Variants in LSAMP observed in about 807,000 individuals in gnomAD.
LSAMP encodes limbic system-associated membrane protein.
A neutral mutation model predicts 38.6 loss-of-function variants in LSAMP; 7 were observed. The observed-to-expected ratio is 0.18, with a 90% CI of 0.10 to 0.34. The LOEUF is 0.34. Among genes scored for constraint, LSAMP ranks in the 10% least tolerant of loss-of-function variants. The pLI is 1.00. For missense variants in LSAMP, 313 were observed against 420.0 expected (o/e 0.75, Z 2.23); for synonymous variants, 154 against 166.8 (o/e 0.92, Z 0.59).
intron 3 of LSAMP, among the ~76,000 whole-genome samples, chr3:115,948,950 T>A: frequency 1.3e-5 from 2 of 152,102 alleles, no homozygotes; most frequent in Non-Finnish European, 2.9e-5. Flanking sequence ...CTGGCCAGCA[T>A]GGTAAAACCC....
intron 1 of LSAMP, among the ~76,000 whole-genome samples, chr3:116,204,110 G>C (rs2046030256): frequency 6.6e-6 from 1 of 152,088 alleles, no homozygotes; most frequent in African/African-American, 2.4e-5. Context: ...GTGTGAGATA[G>C]TATCTCATAG....
intron 1 of LSAMP, among the ~76,000 whole-genome samples, chr3:116,386,783 T>C (rs1226252507): frequency 6.6e-6 from 1 of 152,142 alleles, no homozygotes; most frequent in African/African-American, 2.4e-5. Flanking sequence ...AGTACATTCT[T>C]TTCATTTAGG....
rs71906076 is a variant in LSAMP, at chr3:116,058,938, G to GTT, written c.388+27384_388+27385dup. 2.2e-3 allele frequency among the ~76,000 whole-genome samples: 332 copies of GTT among 148,004 alleles called. 1 individual carries two copies. The highest frequency in any genetic ancestry group is 3.6e-3 in the African/African-American group (145 of 40,662). ...ACTAGTACAAGGGTTTTGTTTGTTC[G>GTT]TTTTTTTTTTTATCATTTCCAATCA... On this transcript the variant is annotated intron_variant, in intron 2 of 6. Transcript: ENST00000490035.
intron 3 of LSAMP, among the ~76,000 whole-genome samples, chr3:115,893,654 TATG>T (rs1158831768): frequency 6.6e-6 from 1 of 152,010 alleles, no homozygotes; most frequent in African/African-American, 2.4e-5. Context: ...AGTGTAGTCT[TATG>T]AAGAAGCAAT....
chr3:116,440,357 T>C (rs945619828), intron 1 of LSAMP, among the ~76,000 whole-genome samples: 2 of 152,206 alleles, frequency 1.3e-5, no homozygotes, highest in Admixed American at 6.5e-5. Context: ...TTTGCTGTTA[T>C]GTGGAATCAG....
intron 2 of LSAMP, among the ~76,000 whole-genome samples, chr3:116,023,590 G>C (rs1033205576): frequency 7.2e-6 from 1 of 138,140 alleles, no homozygotes; most frequent in Non-Finnish European, 1.5e-5. Flanking sequence ...GGGTGACAGA[G>C]CGAGACTCCG....
intron 1 of LSAMP, among the ~76,000 whole-genome samples, chr3:116,280,261 A>G (rs2047111373): frequency 6.6e-6 from 1 of 152,220 alleles, no homozygotes; most frequent in East Asian, 1.9e-4. Flanking sequence ...AAAGCATGGC[A>G]TATATTTTCA....
intron 1 of LSAMP, among the ~76,000 whole-genome samples, chr3:116,148,811 A>G (rs915009352): frequency 5.3e-5 from 8 of 152,088 alleles, no homozygotes; most frequent in Non-Finnish European, 1.5e-5. Context: ...ATATTGGACA[A>G]TAGTCCCCAC....
rs1457366601 is a variant in LSAMP at position 115,808,089 on chromosome 3, C to CCTTG, written c.*2227_*2228insCAAG. ...TCCTGCCTTCCTTTCCTTTCTCCTT[C>CCTTG]CTTCCTTCCTTCCTTCCTTCCTCCC... On this transcript the variant is annotated 3_prime_UTR_variant, in exon 7 of 7. Coordinates refer to ENST00000490035, the MANE Select transcript of LSAMP (RefSeq NM_002338.5). 4.3e-5 allele frequency: 4 copies of CCTTG among 93,634 alleles called. No homozygotes were observed. The highest frequency in any genetic ancestry group is 2.0e-4 in the African/African-American group (4 of 19,554). 5.8% of individuals were successfully genotyped at this position (93,634 alleles called of 1,614,324 possible).
At chr3:115,842,756 TA>T (rs1935037250) in intron 4 of LSAMP, among the ~76,000 whole-genome samples, 178 bp from the exon 5 acceptor site, 2 of 152,060 alleles carry the variant, frequency 1.3e-5, no homozygotes, top group Non-Finnish European at 1.5e-5. Flanking sequence ...AAAAAGTAAA[TA>T]AAAATAAGAG....
At chr3:115,879,530 A>C (rs983175540) in intron 3 of LSAMP, among the ~76,000 whole-genome samples, 1 of 152,182 alleles carries the variant, frequency 6.6e-6, no homozygotes, top group Non-Finnish European at 1.5e-5. Flanking sequence ...AGAAGGTAGA[A>C]AGAGACGTAG....
Position 116,356,864 on chromosome 3 carries a change from G to T in LSAMP, c.155+88013C>A, listed in dbSNP as rs936415555. 6.6e-5 allele frequency among the ~76,000 whole-genome samples: 10 copies of T among 152,108 alleles called. No homozygotes were observed. The East Asian group carries it at 1.9e-3, about 29-fold the overall frequency. ...GCTGGAGTGCAGTGGCGCCATCTCG[G>T]CTCACTGCAAGCTCCGCCTCCTGGG... On this transcript the variant is annotated intron_variant, in intron 1 of 6. Transcript: ENST00000490035.
rs181961004 is a variant in LSAMP at position 116,350,948 on chromosome 3, A to G, written c.155+93929T>C. Reference sequence around the variant, plus strand: ...AAGGCACTAAATTTGTGGATTTGGTATCATCCATGGTTTCAGGCGTCACTG... The same window carrying G: ...AAGGCACTAAATTTGTGGATTTGGTGTCATCCATGGTTTCAGGCGTCACTG... On this transcript the variant is annotated intron_variant, in intron 1 of 6. Coordinates refer to ENST00000490035, the MANE Select transcript of LSAMP (RefSeq NM_002338.5). 7.6e-4 allele frequency among the ~76,000 whole-genome samples: 115 copies of G among 152,168 alleles called. 1 individual carries two copies. Among genetic ancestry groups the G allele is most frequent in the Admixed American group, 2.6e-3 (39 of 15,258 alleles).
chr3:115,875,968 C>T (rs1185806845), intron 3 of LSAMP, among the ~76,000 whole-genome samples: 1 of 152,052 alleles, frequency 6.6e-6, no homozygotes, highest in East Asian at 1.9e-4. Context: ...GCAAAATTCT[C>T]CCCTAACTTC....
At chr3:115,990,995 C>T (rs1040380456) in intron 3 of LSAMP, among the ~76,000 whole-genome samples, 7 of 152,022 alleles carry the variant, frequency 4.6e-5, no homozygotes, top group Non-Finnish European at 8.8e-5. Flanking sequence ...AGATTGGCTA[C>T]TATAAAGACA....
At chr3:115,987,656 G>A (rs919970134) in intron 3 of LSAMP, among the ~76,000 whole-genome samples, 1 of 152,078 alleles carries the variant, frequency 6.6e-6, no homozygotes, top group African/African-American at 2.4e-5. Context: ...AGTTTTACAA[G>A]GTTTCATGTA....
intron 1 of LSAMP, among the ~76,000 whole-genome samples, chr3:116,276,542 C>T (rs1411077990): frequency 1.3e-5 from 2 of 151,350 alleles, no homozygotes; most frequent in Non-Finnish European, 2.9e-5. Flanking sequence ...GGGAGGGAGG[C>T]GAGGGATAAA....
chr3:116,161,292 C>A (rs187705049), intron 1 of LSAMP, among the ~76,000 whole-genome samples: 8 of 152,240 alleles, frequency 5.3e-5, no homozygotes, highest in African/African-American at 1.9e-4. Flanking sequence ...CCATCCAATC[C>A]ATGAGTGAAT....
chr3:116,259,808 A>G (rs1186396063), intron 1 of LSAMP, among the ~76,000 whole-genome samples: 1 of 152,168 alleles, frequency 6.6e-6, no homozygotes, highest in Non-Finnish European at 1.5e-5. Context: ...AAAAACAACA[A>G]AAGAAAAACA....
Sources: gnomAD v4.1 joint callset for allele counts (sites outside exome capture counted in the v4.1 genomes callset) on GRCh38, gnomAD v4.1.1 for gene constraint, MANE v1.5 for transcripts, NCBI Gene and HGNC (gene_info 2026-07-23, HGNC 2026-07-21) for gene names.